The following PCDH15 variants were observed in gnomAD, a reference collection of about 807,000 sequenced individuals.
PCDH15 encodes protocadherin-15.
A neutral mutation model predicts 178.5 loss-of-function variants in PCDH15; 129 were observed. That is an observed-to-expected ratio of 0.72 (90% CI 0.63 to 0.84). The LOEUF (loss-of-function observed/expected upper bound fraction) is 0.84, where lower values mean the gene tolerates loss of function less well. PCDH15 is among the 40% of genes least tolerant of loss of function. The pLI, the probability that PCDH15 is intolerant of heterozygous loss-of-function variation, is 0.00. For missense variants in PCDH15, 2,230 were observed against 2,099.9 expected (o/e 1.06, Z -1.21); for synonymous variants, 800 against 732.0 (o/e 1.09, Z -1.50).
At chr10:54,506,433 T>C (rs996826759) in intron 3 of PCDH15, among the ~76,000 whole-genome samples, 4 of 152,134 alleles carry the variant, frequency 2.6e-5, no homozygotes, top group Admixed American at 1.3e-4. Flanking sequence ...TTTTGAGAAA[T>C]TAACATTAAA....
At chr10:54,658,361 G>T (rs2094441886) in intron 2 of PCDH15, among the ~76,000 whole-genome samples, 3 of 151,950 alleles carry the variant, frequency 2.0e-5, no homozygotes, top group African/African-American at 7.2e-5. Flanking sequence ...CAATACTAAA[G>T]AAAAAAATCT....
chr10:53,905,996 T>A (rs946373359), intron 25 of PCDH15, among the ~76,000 whole-genome samples: 17 of 152,124 alleles, frequency 1.1e-4, no homozygotes. Flanking sequence ...ATACATTTAT[T>A]TATTTTAAAA....
intron 2 of PCDH15, among the ~76,000 whole-genome samples, chr10:55,431,823 T>C (rs1445043113): frequency 6.6e-6 from 1 of 152,062 alleles, no homozygotes; most frequent in African/African-American, 2.4e-5. Flanking sequence ...ATAGCCCATA[T>C]AGATTAGTAA....
intron 2 of PCDH15, among the ~76,000 whole-genome samples, chr10:55,477,399 A>G (rs1240820529): frequency 6.6e-6 from 1 of 151,896 alleles, no homozygotes; most frequent in Non-Finnish European, 1.5e-5. Context: ...AAGGGTAAGG[A>G]CAAGGATTTG....
chr10:55,394,764 G>T (rs1837880906), intron 2 of PCDH15, among the ~76,000 whole-genome samples: 1 of 151,758 alleles, frequency 6.6e-6, no homozygotes, highest in African/African-American at 2.4e-5. Context: ...AGTGCTAATT[G>T]TCTTGTCTTT....
chr10:53,839,453 G>A (rs2077509072), intron 29 of PCDH15, among the ~76,000 whole-genome samples: 2 of 151,758 alleles, frequency 1.3e-5, no homozygotes, highest in Admixed American at 6.6e-5. Flanking sequence ...TGTGTATATG[G>A]ATATGTTTAT....
intron 2 of PCDH15, among the ~76,000 whole-genome samples, chr10:54,641,315 T>C (rs1282661218): frequency 1.3e-5 from 2 of 152,136 alleles, no homozygotes; most frequent in Non-Finnish European, 2.9e-5. Flanking sequence ...TATTCAGTTA[T>C]CTTGATCACA....
intron 2 of PCDH15, among the ~76,000 whole-genome samples, chr10:55,591,216 T>C (rs945659113): frequency 1.3e-5 from 2 of 152,066 alleles, no homozygotes; most frequent in African/African-American, 4.8e-5. Flanking sequence ...TCCCAGCTCC[T>C]GAGTCCAGAA....
At chr10:54,063,144 T>C (rs1457402653) in intron 18 of PCDH15, among the ~76,000 whole-genome samples, 2 of 152,182 alleles carry the variant, frequency 1.3e-5, no homozygotes, top group Admixed American at 1.3e-4. Context: ...CCCATTTCAA[T>C]ATATCAGGAG....
At chr10:54,784,917 G>A (rs1950701894) in intron 1 of PCDH15, among the ~76,000 whole-genome samples, 1 of 151,826 alleles carries the variant, frequency 6.6e-6, no homozygotes, top group African/African-American at 2.4e-5. Context: ...ACTTCACCCA[G>A]CTCCCAACCC....
chr10:55,486,221 TG>T lies in PCDH15; in HGVS notation c.-156+141403del, dbSNP rs1840294922. Among the ~76,000 whole-genome samples the T allele has an allele frequency of 2.0e-5, 3 of 151,678 alleles. No individual in the cohort carries two copies. The South Asian group carries it at 6.2e-4, about 31-fold the overall frequency. On this transcript the variant is annotated intron_variant, in intron 2 of 5. Transcript: ENST00000613346. ...AAATCACCAAACGTGAGGGTGATCC[TG>T]GGGATACCTTCCATAATAGTTTTTA...
chr10:54,433,964 C>G (rs1306705427), intron 3 of PCDH15, among the ~76,000 whole-genome samples: 1 of 152,164 alleles, frequency 6.6e-6, no homozygotes, highest in African/African-American at 2.4e-5. Flanking sequence ...GCTATTGCCC[C>G]AAACACCTTT....
At chr10:53,828,203 G>T (rs1177022799) in intron 31 of PCDH15, among the ~76,000 whole-genome samples, 2 of 20,616 alleles carry the variant, frequency 9.7e-5, no homozygotes, top group Non-Finnish European at 1.6e-4. Flanking sequence ...CAAAAAGTCC[G>T]TCTCAAAAAA....
chr10:54,386,241 C>T lies in PCDH15; in HGVS notation c.158-7299G>A, dbSNP rs532127002. Among the ~76,000 whole-genome samples, 5 of 149,060 alleles carry T rather than the reference C, an allele frequency of 3.4e-5. No individual in the cohort carries two copies. In the East Asian group the frequency reaches 5.9e-4, roughly 18 times the overall value. The stretch of plus-strand genomic sequence containing the variant: ...CACACAGGTAATACACTAACACTAG[C>T]GACAGCTGATAGCTGATGAGTTACA... On this transcript the variant is annotated intron_variant, in intron 3 of 37. Transcript: ENST00000644397.
intron 1 of PCDH15, among the ~76,000 whole-genome samples, chr10:55,211,715 G>C (rs1327934146): frequency 6.6e-6 from 1 of 151,988 alleles, no homozygotes; most frequent in Non-Finnish European, 1.5e-5. Flanking sequence ...CAATAAAGCG[G>C]GCAGACACTA....
At chr10:55,593,273 A>G (rs1842878021) in intron 2 of PCDH15, among the ~76,000 whole-genome samples, 1 of 151,914 alleles carries the variant, frequency 6.6e-6, no homozygotes, top group African/African-American at 2.4e-5. Flanking sequence ...ACTTCCGAAA[A>G]CGAAAATGTT....
chr10:55,028,064 G>C (rs1591844252), intron 2 of PCDH15, among the ~76,000 whole-genome samples: 1 of 151,752 alleles, frequency 6.6e-6, no homozygotes, highest in Non-Finnish European at 1.5e-5. Flanking sequence ...AAAAGTAATT[G>C]AACTCATGTA....
chr10:54,777,606 G>A (rs1424812214), intron 1 of PCDH15, among the ~76,000 whole-genome samples: 1 of 152,048 alleles, frequency 6.6e-6, no homozygotes, highest in Non-Finnish European at 1.5e-5. Flanking sequence ...TTCATCTTAA[G>A]CATCCATCCA....
chr10:55,263,891 C>G (rs896749682), intron 1 of PCDH15, among the ~76,000 whole-genome samples: 1 of 151,970 alleles, frequency 6.6e-6, no homozygotes, highest in Non-Finnish European at 1.5e-5. Context: ...CCTGCCACCA[C>G]GCCCGGCTAA....
Sources: allele counts gnomAD v4.1 joint callset (sites outside exome capture counted in the v4.1 genomes callset), GRCh38; gene constraint gnomAD v4.1.1; transcripts MANE v1.5; gene names NCBI Gene and HGNC (gene_info 2026-07-23, HGNC 2026-07-21).